Variants in SEC24D observed in about 807,000 individuals in gnomAD.
SEC24D encodes the protein SEC24 homolog D, COPII component.
Under a neutral mutation model 116.9 loss-of-function variants are expected in SEC24D, and 69 were observed. The observed-to-expected ratio is 0.59, with a 90% confidence interval of 0.49 to 0.72. The LOEUF is 0.72. Ranked by LOEUF, SEC24D falls within the 30% of genes least tolerant of loss-of-function variation. The pLI is 0.00. For missense variants in SEC24D, 1,131 were observed against 1,264.1 expected (o/e 0.89, Z 1.60); for synonymous variants, 405 against 442.8 (o/e 0.91, Z 1.07).
intron 19 of SEC24D, chr4:118,733,267 G>T: frequency 1.2e-5 from 2 of 171,472 alleles, no homozygotes; most frequent in South Asian, 1.5e-4. Context: ...AGCTGAATAT[G>T]GAATAATAGT....
At chr4:118,787,170 A>C (rs1437731311) in intron 8 of SEC24D, among the ~76,000 whole-genome samples, 1 of 152,218 alleles carries the variant, frequency 6.6e-6, no homozygotes, top group African/African-American at 2.4e-5. Flanking sequence ...CAAAAATCTT[A>C]AGAGATGAGA....
At chr4:118,765,227 C>T (rs965825370) in intron 9 of SEC24D, among the ~76,000 whole-genome samples, 4 of 152,120 alleles carry the variant, frequency 2.6e-5, no homozygotes, top group Non-Finnish European at 5.9e-5. Flanking sequence ...CATTTTATTA[C>T]CTCTTTTAAA....
At chr4:118,730,462 T>C (rs1473217161) in intron 21 of SEC24D, 1 of 152,198 alleles carries the variant, frequency 6.6e-6, no homozygotes, top group African/African-American at 2.4e-5. Flanking sequence ...ATGCTATATA[T>C]ATTGATAAAC....
At chr4:118,780,524 T>C (rs1324758063) in intron 8 of SEC24D, among the ~76,000 whole-genome samples, 2 of 152,226 alleles carry the variant, frequency 1.3e-5, no homozygotes, top group African/African-American at 4.8e-5. Context: ...CTTCCAACTA[T>C]GTGGTCAATT....
intron 2 of SEC24D, among the ~76,000 whole-genome samples, chr4:118,831,317 C>T (rs1417822928): frequency 6.6e-6 from 1 of 152,076 alleles, no homozygotes; most frequent in African/African-American, 2.4e-5. Context: ...GTGTGAGCCA[C>T]CACACCCCAC....
chr4:118,798,235 G>A (rs1050034347), intron 7 of SEC24D, among the ~76,000 whole-genome samples: 1 of 152,100 alleles, frequency 6.6e-6, no homozygotes, highest in South Asian at 2.1e-4. Flanking sequence ...GGAAAGGTAA[G>A]CATTTGTATA....
intron 8 of SEC24D, among the ~76,000 whole-genome samples, chr4:118,780,906 G>GATTTTTTTTTTTTTT (rs1728368824): frequency 3.9e-4 from 41 of 106,104 alleles, no homozygotes; most frequent in South Asian, 6.8e-4. Context: ...TGCAACCCCT[G>GATTTTTTTTTTTTTT]CTTTTTTTTT....
At chr4:118,802,713 C>T (rs1032815014) in intron 7 of SEC24D, among the ~76,000 whole-genome samples, 8 of 152,280 alleles carry the variant, frequency 5.3e-5, no homozygotes, top group Admixed American at 1.3e-4. Context: ...CCATACTATA[C>T]GATCCAGCAA....
intron 19 of SEC24D, chr4:118,735,774 T>A (rs1560610559): frequency 6.6e-6 from 1 of 150,732 alleles, no homozygotes; most frequent in Non-Finnish European, 1.5e-5. Context: ...GCTCGCTGCA[T>A]CCTCAAGCTC....
At chr4:118,769,736 CT>C (rs1265836704) in intron 8 of SEC24D, 2 of 152,194 alleles carry the variant, frequency 1.3e-5, no homozygotes, top group Admixed American at 6.5e-5. Context: ...CCCTCTATTT[CT>C]GCAATGCCCT....
At chr4:118,804,595 AT>A (rs1299645532) in intron 7 of SEC24D, among the ~76,000 whole-genome samples, 3 of 151,884 alleles carry the variant, frequency 2.0e-5, no homozygotes, top group Admixed American at 6.6e-5. Context: ...GAAAAAAAAA[AT>A]CAACAATTTC....
At chr4:118,776,142 AG>A (rs1728121579) in intron 8 of SEC24D, among the ~76,000 whole-genome samples, 1 of 148,512 alleles carries the variant, frequency 6.7e-6, no homozygotes, top group Non-Finnish European at 1.5e-5. Flanking sequence ...GGGAAGGGGT[AG>A]GGGAGTGGAA....
intron 11 of SEC24D, among the ~76,000 whole-genome samples, 169 bp downstream of exon 11, chr4:118,757,552 A>C (rs1727161285): frequency 6.6e-6 from 1 of 152,162 alleles, no homozygotes; most frequent in Non-Finnish European, 1.5e-5. Flanking sequence ...ACAAAAGATC[A>C]CTCTAACTTT....
intron 17 of SEC24D, 76 bp downstream of exon 17, chr4:118,740,587 G>T: frequency 6.9e-7 from 1 of 1,459,806 alleles, no homozygotes; most frequent in Non-Finnish European, 9.4e-7. Flanking sequence ...CACATTTGAT[G>T]GTATTTCAGT....
intron 21 of SEC24D, 43 bp from the exon 22 acceptor site, chr4:118,728,693 T>C: frequency 8.6e-7 from 1 of 1,168,178 alleles, no homozygotes; most frequent in South Asian, 1.3e-5. Context: ...GTTTATAACA[T>C]TTAGATAGAA....
intron 22 of SEC24D, among the ~76,000 whole-genome samples, chr4:118,724,899 C>A (rs150461906): frequency 7.9e-4 from 120 of 152,292 alleles, no homozygotes; most frequent in African/African-American, 2.7e-3. Flanking sequence ...GGAGGTAAAC[C>A]CACCAGAAAG....
At chr4:118,817,744 A>C (rs1431667622) in intron 3 of SEC24D, among the ~76,000 whole-genome samples, 2 of 152,164 alleles carry the variant, frequency 1.3e-5, no homozygotes, top group African/African-American at 4.8e-5. Flanking sequence ...AATGAAAATC[A>C]AGAAAACAAT....
rs114611353 is a variant in SEC24D at position 118,815,452 on chromosome 4, C to T, written c.672G>A (p.Gln224=). 0.054 allele frequency: 87,304 copies of T among 1,613,194 alleles called. 2,866 individuals carry two copies. The highest frequency in any genetic ancestry group is 0.064 in the Non-Finnish European group (75,033 of 1,179,254). Residue 224 remains glutamine, a splice_region_variant and synonymous_variant, in exon 5 of 23, where the codon CAG becomes CAA. Transcript: ENST00000280551. ...QTLGAGYPPQ[Q]ANSGPQMAGA... The stretch of plus-strand genomic sequence containing the variant: ...TCCCCTGCACCCTGTCCGCCTTACC[C>T]TGCTGCGGAGGATATCCAGCACCCA...
At chr4:118,761,529 C>T (rs1442413420) in intron 10 of SEC24D, among the ~76,000 whole-genome samples, 1 of 152,250 alleles carries the variant, frequency 6.6e-6, no homozygotes, top group Non-Finnish European at 1.5e-5. Context: ...ATTCTCCCAA[C>T]AATTTAAGTA....
Sources: gnomAD v4.1 joint callset for allele counts (sites outside exome capture counted in the v4.1 genomes callset) on GRCh38, gnomAD v4.1.1 for gene constraint, MANE v1.5 for transcripts, NCBI Gene and HGNC (gene_info 2026-07-23, HGNC 2026-07-21) for gene names.